The following ZNF827 variants were observed in gnomAD, a reference collection of about 807,000 sequenced individuals.
The protein encoded by ZNF827 is zinc finger protein 827.
In ZNF827, 13 loss-of-function variants were observed where a neutral mutation model predicts 102.4. The ratio of observed to expected loss-of-function variants is 0.13; its 90% confidence interval spans 0.08 to 0.20. ZNF827 has a LOEUF of 0.20. Ranked by LOEUF, ZNF827 falls within the 10% of genes least tolerant of loss-of-function variation. The probability of loss-of-function intolerance (pLI) is 1.00; values close to 1 mark genes in which losing one functional copy is unlikely to be tolerated. For synonymous variants in ZNF827, 523 were observed against 536.2 expected (o/e 0.98, Z 0.34); for missense variants, 1,103 against 1,344.4 (o/e 0.82, Z 2.81).
chr4:145,904,673 T>C (rs979878215), intron 1 of ZNF827, among the ~76,000 whole-genome samples: 5 of 152,164 alleles, frequency 3.3e-5, no homozygotes, highest in Non-Finnish European at 7.4e-5. Context: ...GAGAATATCA[T>C]GAGTCAGTGT....
At chr4:145,857,611 CAA>C (rs1265181668) in intron 5 of ZNF827, among the ~76,000 whole-genome samples, 1 of 152,160 alleles carries the variant, frequency 6.6e-6, no homozygotes, top group Non-Finnish European at 1.5e-5. Flanking sequence ...TCAAACATAA[CAA>C]ATTCTGCACT....
At chr4:145,894,397 C>T (rs1750823994) in intron 2 of ZNF827, among the ~76,000 whole-genome samples, 1 of 152,082 alleles carries the variant, frequency 6.6e-6, no homozygotes, top group Non-Finnish European at 1.5e-5. Context: ...TCCTTCTGTA[C>T]TATTTGAATT....
At chr4:145,803,688 G>A (rs542553746) in intron 8 of ZNF827, among the ~76,000 whole-genome samples, 3 of 152,296 alleles carry the variant, frequency 2.0e-5, no homozygotes, top group African/African-American at 7.2e-5. Flanking sequence ...ATAAATTGGT[G>A]TATATGACTC....
intron 4 of ZNF827, among the ~76,000 whole-genome samples, chr4:145,874,063 T>G (rs1748939423): frequency 6.6e-6 from 1 of 151,954 alleles, no homozygotes; most frequent in Non-Finnish European, 1.5e-5. Context: ...AAATCCCAAC[T>G]TCTAGAGATC....
chr4:145,928,419 G>A (rs780640778), intron 1 of ZNF827, among the ~76,000 whole-genome samples: 9 of 152,144 alleles, frequency 5.9e-5, no homozygotes, highest in East Asian at 1.9e-4. Context: ...AGAAACTGAC[G>A]GACAGCAATA....
chr4:145,848,226 T>C (rs1560994199), intron 6 of ZNF827, among the ~76,000 whole-genome samples: 1 of 152,238 alleles, frequency 6.6e-6, no homozygotes, highest in Non-Finnish European at 1.5e-5. Context: ...CAAAGATCTG[T>C]GTGTCCTATT....
chr4:145,805,212 A>G (rs987723564), intron 8 of ZNF827, among the ~76,000 whole-genome samples: 1 of 151,948 alleles, frequency 6.6e-6, no homozygotes, highest in African/African-American at 2.4e-5. Flanking sequence ...TCCCTCTTCT[A>G]GAAGGAATTC....
chr4:145,779,926 T>C (rs1028910731), intron 8 of ZNF827, among the ~76,000 whole-genome samples: 7 of 152,202 alleles, frequency 4.6e-5, no homozygotes, highest in African/African-American at 1.7e-4. Context: ...CTTGGTCACT[T>C]ACACCTGTAA....
chr4:145,936,684 G>C (rs2127013290), intron 1 of ZNF827, among the ~76,000 whole-genome samples: 1 of 152,172 alleles, frequency 6.6e-6, no homozygotes, highest in Non-Finnish European at 1.5e-5. Flanking sequence ...TCGCGAGGGG[G>C]AGATCGATCG....
chr4:145,873,881 G>A (rs1006292923), intron 4 of ZNF827, among the ~76,000 whole-genome samples: 23 of 152,232 alleles, frequency 1.5e-4, no homozygotes, highest in African/African-American at 5.1e-4. Context: ...AATTAAATAG[G>A]GTGTTTATTA....
intron 1 of ZNF827, among the ~76,000 whole-genome samples, chr4:145,918,356 A>C (rs1475242423): frequency 4.7e-5 from 7 of 149,690 alleles, no homozygotes; most frequent in African/African-American, 7.3e-5. Flanking sequence ...AAAAAAAAAA[A>C]AAACTGGCTA....
chr4:145,760,740 C>CT lies in ZNF827; in HGVS notation c.*875dup. On this transcript the variant is annotated 3_prime_UTR_variant, in exon 15 of 15. Coordinates refer to ENST00000508784, the MANE Select transcript of ZNF827 (RefSeq NM_001306215.2). ...TTGTGGTTTTTTTTTTTTTTTTTGTCTTTTGTCTCTCTGTTTTTGGTACAG... is the reference window on the plus strand; with the variant it reads ...TTGTGGTTTTTTTTTTTTTTTTTGTCTTTTTGTCTCTCTGTTTTTGGTACAG... 1 of 478,334 alleles carries CT rather than the reference C, an allele frequency of 2.1e-6. No individual in the cohort carries two copies. Among genetic ancestry groups the CT allele is most frequent in the Non-Finnish European group, 2.6e-6 (1 of 389,536 alleles). The allele number at this position is 478,334 out of a possible 1,614,324, so 29.6% of individuals were successfully genotyped here.
At chr4:145,857,624 C>T (rs1747279627) in intron 5 of ZNF827, among the ~76,000 whole-genome samples, 2 of 152,320 alleles carry the variant, frequency 1.3e-5, no homozygotes, top group South Asian at 4.1e-4. Flanking sequence ...ATTCTGCACT[C>T]AATTTCACTT....
At chr4:145,896,545 G>A (rs1019785359) in intron 2 of ZNF827, among the ~76,000 whole-genome samples, 11 of 152,300 alleles carry the variant, frequency 7.2e-5, no homozygotes, top group Admixed American at 7.2e-4. Flanking sequence ...GTGTTAGACC[G>A]TAAGGAGATT....
At chr4:145,787,451 G>T (rs1739034481) in intron 8 of ZNF827, among the ~76,000 whole-genome samples, 2 of 140,620 alleles carry the variant, frequency 1.4e-5, no homozygotes, top group Non-Finnish European at 1.5e-5. Flanking sequence ...GACAGAGTGA[G>T]ACTCCGTCTC....
At chr4:145,822,602 G>A (rs1336640279) in intron 8 of ZNF827, among the ~76,000 whole-genome samples, 5 of 152,052 alleles carry the variant, frequency 3.3e-5, no homozygotes, top group East Asian at 1.9e-4. Flanking sequence ...GGAGGCTACC[G>A]AGTGCTGCTG....
At position 145,902,260 on chromosome 4, in the gene ZNF827, C is replaced by T. The variant is rs774596211; in HGVS notation, c.999G>A (p.Pro333=). 10 of 1,550,478 alleles carry T rather than the reference C, an allele frequency of 6.4e-6. No homozygotes were observed. The highest frequency in any genetic ancestry group is 2.7e-5 in the African/African-American group (2 of 72,764). ...KPEKVTPPPP[P]PPPPPPPPPP... is the part of the protein sequence containing the mutation. ...GTGGTGGTGGAGGTGGTGGAGGTGG[C>T]GGTGGAGGTGGCGGAGTGACTTTTT... is the stretch of plus-strand genomic sequence containing the variant. Residue 333 remains proline (P), a synonymous_variant, in exon 2 of 15, where the codon CCG becomes CCA. Coordinates refer to ENST00000508784, the MANE Select transcript of ZNF827 (RefSeq NM_001306215.2). This position sits in a 1 kb window ranked among gnomAD's most constrained non-coding sequence, Gnocchi z 4.3.
At chr4:145,878,954 T>G (rs533204805) in intron 4 of ZNF827, among the ~76,000 whole-genome samples, 1 of 152,070 alleles carries the variant, frequency 6.6e-6, no homozygotes, top group East Asian at 1.9e-4. Flanking sequence ...AGGCTGCACA[T>G]GAAGGGATGG....
At chr4:145,861,344 A>G (rs1290628512) in intron 5 of ZNF827, among the ~76,000 whole-genome samples, 1 of 152,210 alleles carries the variant, frequency 6.6e-6, no homozygotes, top group Non-Finnish European at 1.5e-5. Flanking sequence ...AGGAACCTCA[A>G]AAACCTAGAA....
Sources: gnomAD v4.1 joint callset for allele counts (sites outside exome capture counted in the v4.1 genomes callset) on GRCh38, gnomAD v4.1.1 for gene constraint, Gnocchi (gnomAD v3.1) non-coding constraint, MANE v1.5 for transcripts, NCBI Gene and HGNC (gene_info 2026-07-23, HGNC 2026-07-21) for gene names.